Variants in SEPTIN4 observed in about 807,000 individuals in gnomAD.
SEPTIN4 encodes septin 4.
A neutral mutation model predicts 107.1 loss-of-function variants in SEPTIN4; 52 were observed. The ratio of observed to expected loss-of-function variants is 0.49; its 90% CI spans 0.39 to 0.61. The LOEUF (loss-of-function observed/expected upper bound fraction) is 0.61, where lower values mean the gene tolerates loss of function less well. Ranked by LOEUF, SEPTIN4 falls within the 20% of genes least tolerant of loss-of-function variation. The pLI, the probability that SEPTIN4 is intolerant of heterozygous loss-of-function variation, is 0.00. For synonymous variants in SEPTIN4, 417 were observed against 467.0 expected, an observed-to-expected ratio of 0.89 and a Z score of 1.38; for missense variants, 1,048 against 1,243.5, an observed-to-expected ratio of 0.84 and a Z score of 2.36.
chr17:58,529,528 G>T, intron 3 of SEPTIN4: 1 of 709,258 alleles, frequency 1.4e-6, no homozygotes, highest in Non-Finnish European at 1.7e-6. Flanking sequence ...ACCTCCCAAT[G>T]TCTGTTTGCA....
chr17:58,527,437 T>C (rs190539832), intron 3 of SEPTIN4: 323 of 294,488 alleles, frequency 1.1e-3, no homozygotes, highest in Non-Finnish European at 1.9e-3. Context: ...GGCAGGGACA[T>C]GAGGGAAGTA....
intron 3 of SEPTIN4, among the ~76,000 whole-genome samples, chr17:58,535,752 T>C (rs769865415): frequency 4.7e-4 from 72 of 152,240 alleles, no homozygotes; most frequent in Non-Finnish European, 3.5e-4. Flanking sequence ...ACTATGTCTT[T>C]TCTTTTAACC....
intron 1 of SEPTIN4, among the ~76,000 whole-genome samples, chr17:58,542,385 T>C (rs1399525953): frequency 1.3e-5 from 2 of 152,212 alleles, no homozygotes; most frequent in Non-Finnish European, 2.9e-5. Flanking sequence ...TAAGCAGTGT[T>C]GCCTGGAGGA....
At chr17:58,530,079 G>C (rs1314456605) in intron 3 of SEPTIN4, 5 of 152,220 alleles carry the variant, frequency 3.3e-5, no homozygotes, top group African/African-American at 7.2e-5. Flanking sequence ...CCATTTAGGT[G>C]GGAGATAAAT....
intron 3 of SEPTIN4, chr17:58,531,908 C>T: frequency 8.9e-7 from 1 of 1,129,810 alleles, no homozygotes; most frequent in African/African-American, 1.6e-5. Flanking sequence ...GAGCGACCGG[C>T]CCTGCGCACC....
At chr17:58,520,656 G>T (rs2143979569) in intron 13 of SEPTIN4, 87 bp downstream of exon 13, 1 of 1,571,166 alleles carries the variant, frequency 6.4e-7, no homozygotes. Context: ...ATGCACCAGA[G>T]CCAGGGATCT....
At chr17:58,522,883 C>A (rs12935851) in intron 7 of SEPTIN4, among the ~76,000 whole-genome samples, 28,099 of 151,988 alleles carry the variant, frequency 0.18, 2,767 homozygotes, top group Non-Finnish European at 0.21. Flanking sequence ...TACCAATACA[C>A]ACTGCTCTCC....
Position 58,528,996 on chromosome 17 carries a change from T to A in SEPTIN4, c.1615-2018A>T, listed in dbSNP as rs187358518. ...CACCAGGGTCCTCACCTCCTGCCTG[T>A]CCATCCCCACTCCCAGCTCTGCCAG... On this transcript the variant is annotated intron_variant, in intron 3 of 13. Transcript: ENST00000672673. 269 of 1,230,282 alleles carry A rather than the reference T, an allele frequency of 2.2e-4. 5 individuals are homozygous for A. Among genetic ancestry groups the A allele is most frequent in the South Asian group, 2.0e-3 (153 of 78,228 alleles). The allele number at this position is 1,230,282 out of a possible 1,614,324, so 76.2% of individuals were successfully genotyped here. A position where few individuals can be genotyped will look rare whatever the true frequency, so the allele number is the denominator to read the frequency against.
chr17:58,532,047 G>A (rs2043519609), intron 3 of SEPTIN4: 3 of 1,119,350 alleles, frequency 2.7e-6, no homozygotes, highest in South Asian at 4.4e-5. Flanking sequence ...TCGCAGCACC[G>A]CCGTCACCCT....
Position 58,522,095 on chromosome 17 carries a change from C to T in SEPTIN4, c.2223G>A (p.Lys741=). 1 of 1,614,184 alleles carries T rather than the reference C, an allele frequency of 6.2e-7. No homozygotes were observed. ...GDAVNNTECW[K]PVAEYIDQQF... ...GCTGATCAATGTATTCTGCCACAGGCTTCCAGCTGGGGCAGGGACAGACAA... is the reference window on the plus strand; with the variant it reads ...GCTGATCAATGTATTCTGCCACAGGTTTCCAGCTGGGGCAGGGACAGACAA... Residue 741 remains lysine (K), a synonymous_variant, in exon 8 of 14, where the codon AAG becomes AAA. Coordinates refer to ENST00000672673, the MANE Select transcript of SEPTIN4 (RefSeq NM_001368771.2).
chr17:58,543,371 CA>C lies in SEPTIN4; in HGVS notation c.815del (p.Leu272CysfsTer20). ...ALYRNMNLDS[L>X]LKLSVLKDSD... The stretch of plus-strand genomic sequence containing the variant: ...AATCTTTAAGGACAGAGAGTTTGAG[CA>C]ATGAGTCCAAGTTCATATTCCTATA... On this transcript the variant is annotated frameshift_variant, in exon 1 of 14. Coordinates refer to ENST00000672673, the MANE Select transcript of SEPTIN4 (RefSeq NM_001368771.2). LOFTEE classifies it high-confidence loss of function. 1 of 1,614,188 alleles carries C rather than the reference CA, an allele frequency of 6.2e-7. No individual in the cohort carries two copies. Among genetic ancestry groups the C allele is most frequent in the Non-Finnish European group, 8.5e-7 (1 of 1,180,038 alleles).
In SEPTIN4 at chr17:58,543,475, T is replaced by C. The variant is rs773234167; in HGVS notation, c.712A>G (p.Thr238Ala). ...GSSCVSADYQ[T>A]AQRRVPVEES... is the part of the protein sequence containing the mutation. ...TCTACAGGGACCCTTCTCTGGGCTG[T>C]CTGATAGTCTGCAGAGACACAGCTG... is the stretch of plus-strand genomic sequence containing the variant. Residue 238 changes from threonine (T) to alanine (A), a missense_variant, in exon 1 of 14, where the codon ACA becomes GCA. Transcript: ENST00000672673. The C allele has an allele frequency of 1.9e-6, 3 of 1,614,198 alleles. No homozygotes were observed. Among genetic ancestry groups the C allele is most frequent in the Non-Finnish European group, 2.5e-6 (3 of 1,180,022 alleles).
At chr17:58,525,012 C>A (rs562618107) in intron 7 of SEPTIN4, 66 bp downstream of exon 7, 2 of 1,604,556 alleles carry the variant, frequency 1.2e-6, no homozygotes, top group African/African-American at 1.3e-5. Context: ...TCTGGGCCTA[C>A]GTGTGTACCT....
chr17:58,522,903 C>T (rs1346505581), intron 7 of SEPTIN4, among the ~76,000 whole-genome samples: 3 of 152,116 alleles, frequency 2.0e-5, no homozygotes, highest in African/African-American at 7.2e-5. Flanking sequence ...CCCTTCTCTT[C>T]ACTACAAAGC....
chr17:58,529,069 GGGGA>G, intron 3 of SEPTIN4: 1 of 1,606,074 alleles, frequency 6.2e-7, no homozygotes, highest in African/African-American at 1.3e-5. Context: ...GCCAAGGCAG[GGGGA>G]AGACAGGTCA....
chr17:58,541,384 C>A (rs1006417598), intron 2 of SEPTIN4, among the ~76,000 whole-genome samples: 1 of 152,160 alleles, frequency 6.6e-6, no homozygotes, highest in Non-Finnish European at 1.5e-5. Context: ...GGGGACACTT[C>A]TCTTAAGGAT....
chr17:58,521,724 A>G lies in SEPTIN4; in HGVS notation c.2469+12T>C. 2 of 1,614,186 alleles carry G rather than the reference A, an allele frequency of 1.2e-6. No homozygotes were observed. Among genetic ancestry groups the G allele is most frequent in the Non-Finnish European group, 1.7e-6 (2 of 1,180,036 alleles). On this transcript the variant is annotated intron_variant, in intron 9 of 13. Coordinates refer to ENST00000672673, the MANE Select transcript of SEPTIN4 (RefSeq NM_001368771.2). This position sits in a 1 kb window ranked among gnomAD's most constrained non-coding sequence, Gnocchi z 6.4. ...GCCCACCTGATCCCCTCCCACCACC[A>G]GCTTCCCTCACTTTGCGTTTCTTGT...
chr17:58,534,132 C>T (rs2043631165), intron 3 of SEPTIN4, among the ~76,000 whole-genome samples: 1 of 152,184 alleles, frequency 6.6e-6, no homozygotes, highest in Non-Finnish European at 1.5e-5. Flanking sequence ...GTCCTGGGAC[C>T]ACGGAACTTA....
At chr17:58,524,761 T>C (rs2042660105) in intron 7 of SEPTIN4, 1 of 236,282 alleles carries the variant, frequency 4.2e-6, no homozygotes, top group South Asian at 5.6e-5. Context: ...AGAGATGGGA[T>C]CTTACTATGT....
Sources: allele counts gnomAD v4.1 joint callset (sites outside exome capture counted in the v4.1 genomes callset), GRCh38; gene constraint gnomAD v4.1.1; non-coding constraint Gnocchi (gnomAD v3.1); transcripts MANE v1.5; gene names NCBI Gene and HGNC (gene_info 2026-07-23, HGNC 2026-07-21).